UNC80: variants seen among roughly 807,000 people sequenced by gnomAD.
UNC80 encodes the protein unc-80 subunit of NALCN channel complex.
In UNC80, 164 loss-of-function variants were observed where a neutral mutation model predicts 384.6. The ratio of observed to expected loss-of-function variants is 0.43; its 90% confidence interval spans 0.38 to 0.49. The LOEUF is 0.49. UNC80 is among the 20% of genes least tolerant of loss of function. UNC80 has a pLI of 0.00. For missense variants in UNC80, 3,330 were observed against 4,143.0 expected (o/e 0.80, Z 5.39); for synonymous variants, 1,486 against 1,527.8 (o/e 0.97, Z 0.64).
At chr2:209,895,752 T>G (rs553920167) in intron 27 of UNC80, among the ~76,000 whole-genome samples, 2 of 152,194 alleles carry the variant, frequency 1.3e-5, no homozygotes, top group South Asian at 4.1e-4. Context: ...CCTTTATACT[T>G]TCACACAGAG....
chr2:209,774,798 T>C (rs1037649524), intron 2 of UNC80, among the ~76,000 whole-genome samples: 1 of 152,160 alleles, frequency 6.6e-6, no homozygotes, highest in African/African-American at 2.4e-5. Context: ...CATCTCTCAT[T>C]ATGCTCTTTA....
intron 35 of UNC80, among the ~76,000 whole-genome samples, chr2:209,925,393 G>C (rs546410157): frequency 1.3e-5 from 2 of 152,298 alleles, no homozygotes; most frequent in East Asian, 3.9e-4. Flanking sequence ...GAGTGTTACA[G>C]CTCATAAAGG....
intron 37 of UNC80, among the ~76,000 whole-genome samples, chr2:209,930,503 T>C (rs766604586): frequency 6.6e-6 from 1 of 152,186 alleles, no homozygotes; most frequent in Non-Finnish European, 1.5e-5. Flanking sequence ...TATAGACATT[T>C]CAATCTAGTC....
chr2:209,932,038 C>G (rs1467805045), intron 38 of UNC80, among the ~76,000 whole-genome samples: 1 of 152,148 alleles, frequency 6.6e-6, no homozygotes, highest in Non-Finnish European at 1.5e-5. Flanking sequence ...TTATCTGGGT[C>G]CTTCATTTGT....
At chr2:209,867,909 C>G (rs1181069977) in intron 22 of UNC80, among the ~76,000 whole-genome samples, 1 of 152,204 alleles carries the variant, frequency 6.6e-6, no homozygotes, top group Non-Finnish European at 1.5e-5. Flanking sequence ...GAATTCTTCA[C>G]TCTTACTTGA....
chr2:209,917,531 A>G (rs1432123800), intron 31 of UNC80, among the ~76,000 whole-genome samples: 2 of 152,126 alleles, frequency 1.3e-5, no homozygotes, highest in Admixed American at 1.3e-4. Context: ...TTTCACTGTG[A>G]GTCAAAGGAA....
chr2:209,803,538 A>T (rs922864115), intron 7 of UNC80, among the ~76,000 whole-genome samples: 39 of 152,316 alleles, frequency 2.6e-4, no homozygotes, highest in African/African-American at 7.9e-4. Flanking sequence ...TTATTTAAAT[A>T]TTCATATATT....
In UNC80 at chr2:209,930,986, C is replaced by A. The variant is rs74665823; in HGVS notation, c.5926C>A (p.Leu1976Met). Residue 1976 changes from leucine (L) to methionine (M), a missense_variant, in exon 38 of 65, where the codon CTG becomes ATG. Leu to Met is a conservative substitution (Grantham distance 15, BLOSUM62 2). This residue lies in a region of UNC80 where 1,049 missense variants were observed against 1,488.6 expected (regional missense o/e 0.70). Transcript: ENST00000673920. ...SNRQDELMYM[L>M]RKLLLNIGDF... The stretch of plus-strand genomic sequence containing the variant: ...CTTTCAGGATGAGTTAATGTACATG[C>A]TGCGCAAACTTCTCTTGAATATTGG... 1.3e-6 allele frequency: 2 copies of A among 1,549,376 alleles called. No individual in the cohort carries two copies. The highest frequency in any genetic ancestry group is 1.7e-6 in the Non-Finnish European group (2 of 1,145,474).
At chr2:209,892,494 A>C (rs1574914322) in intron 26 of UNC80, among the ~76,000 whole-genome samples, 1 of 152,192 alleles carries the variant, frequency 6.6e-6, no homozygotes, top group South Asian at 2.1e-4. Flanking sequence ...GTAATTTTTC[A>C]GTGCTATAGG....
intron 48 of UNC80, among the ~76,000 whole-genome samples, chr2:209,955,186 C>T (rs886508700): frequency 2.6e-5 from 4 of 152,164 alleles, no homozygotes; most frequent in East Asian, 1.9e-4. Flanking sequence ...TCTAAAGTGC[C>T]AGATCCTTAG....
At chr2:209,868,666 T>A (rs1418311778) in intron 22 of UNC80, among the ~76,000 whole-genome samples, 1 of 152,196 alleles carries the variant, frequency 6.6e-6, no homozygotes, top group Non-Finnish European at 1.5e-5. Context: ...GTTTTCTACC[T>A]GTAGACTGTA....
At chr2:209,918,778 C>A in intron 33 of UNC80, 115 bp downstream of exon 33, 2 of 1,193,982 alleles carry the variant, frequency 1.7e-6, no homozygotes, top group Non-Finnish European at 2.2e-6. Context: ...AGAAAGTCAG[C>A]ACAAAAGATC....
intron 13 of UNC80, among the ~76,000 whole-genome samples, chr2:209,823,049 TG>T (rs2080253868): frequency 6.6e-6 from 1 of 152,210 alleles, no homozygotes; most frequent in Admixed American, 6.5e-5. Flanking sequence ...TTATCTTCAG[TG>T]GAATCAGAAG....
intron 4 of UNC80, among the ~76,000 whole-genome samples, chr2:209,785,835 G>T (rs1024618166): frequency 6.6e-6 from 1 of 152,168 alleles, no homozygotes; most frequent in Non-Finnish European, 1.5e-5. Flanking sequence ...GTTTTGATTG[G>T]TCATTAATTT....
intron 22 of UNC80, among the ~76,000 whole-genome samples, chr2:209,866,764 CT>C (rs1381008205): frequency 1.3e-5 from 2 of 151,948 alleles, no homozygotes; most frequent in African/African-American, 4.8e-5. Flanking sequence ...CATCTAATTC[CT>C]TCATCATACT....
chr2:209,809,206 C>G (rs2079151579), intron 7 of UNC80: 1 of 673,010 alleles, frequency 1.5e-6, no homozygotes, highest in Non-Finnish European at 2.7e-6. Flanking sequence ...GCAGCTGGCC[C>G]AGGTCTCTGA....
chr2:209,984,723 T>C (rs2093244576), intron 60 of UNC80, 133 bp from the exon 61 acceptor site: 1 of 845,610 alleles, frequency 1.2e-6, no homozygotes, highest in East Asian at 2.7e-5. Context: ...GACTGTCTCC[T>C]TTTCCTTCCT....
chr2:209,913,743 A>G (rs966975964), intron 30 of UNC80, 59 bp from the exon 31 acceptor site: 6 of 1,462,684 alleles, frequency 4.1e-6, no homozygotes, highest in African/African-American at 1.4e-5. Flanking sequence ...AAGTTTCAAG[A>G]GAAGTGCAGT....
Position 209,978,976 on chromosome 2 carries a change from C to T in UNC80, c.9118+268C>T, listed in dbSNP as rs551300727. Among the ~76,000 whole-genome samples, 10 of 152,312 alleles carry T rather than the reference C, an allele frequency of 6.6e-5. No homozygotes were observed. The South Asian group carries it at 1.7e-3, about 25-fold the overall frequency. ...ATTAATTTCTGCTTCTGGCTGGGCA[C>T]GGTGGCTCATGCCTGTAGTCCCAGC... is the stretch of plus-strand genomic sequence containing the variant. On this transcript the variant is annotated intron_variant, in intron 59 of 64. Transcript: ENST00000673920.
Sources: gnomAD v4.1 joint callset for allele counts (sites outside exome capture counted in the v4.1 genomes callset) on GRCh38, gnomAD v4.1.1 for gene constraint, gnomAD v4.1.1 regional missense constraint, MANE v1.5 for transcripts, NCBI Gene and HGNC (gene_info 2026-07-23, HGNC 2026-07-21) for gene names.